The following RAB8B variants were observed in gnomAD, a reference collection of about 807,000 sequenced individuals.
RAB8B encodes ras-related protein Rab-8B.
In RAB8B, 11 loss-of-function variants were observed where a neutral mutation model predicts 32.0. The observed-to-expected ratio is 0.34, with a 90% CI of 0.22 to 0.57. The LOEUF is 0.57. Among genes scored for constraint, RAB8B ranks in the 20% least tolerant of loss-of-function variants. The probability of loss-of-function intolerance (pLI) is 0.86; values close to 1 mark genes in which losing one functional copy is unlikely to be tolerated. For missense variants in RAB8B, 190 were observed against 258.5 expected, an observed-to-expected ratio of 0.73 and a Z score of 1.82; for synonymous variants, 103 against 89.6, an observed-to-expected ratio of 1.15 and a Z score of -0.85.
chr15:63,201,351 A>T (rs1433573938), intron 1 of RAB8B, among the ~76,000 whole-genome samples: 1 of 152,174 alleles, frequency 6.6e-6, no homozygotes, highest in Non-Finnish European at 1.5e-5. Flanking sequence ...AGGAGGAGTT[A>T]GTTGGGTAGA....
chr15:63,222,465 A>T (rs1442950387), intron 1 of RAB8B, among the ~76,000 whole-genome samples: 1 of 152,242 alleles, frequency 6.6e-6, no homozygotes, highest in African/African-American at 2.4e-5. Context: ...TGCACCACAT[A>T]ACAACATTAT....
chr15:63,207,815 C>T (rs1301746027), intron 1 of RAB8B, among the ~76,000 whole-genome samples: 6 of 152,126 alleles, frequency 3.9e-5, no homozygotes, highest in Admixed American at 2.6e-4. Flanking sequence ...CTGCCCACCT[C>T]GGCCTTCCAA....
At chr15:63,223,117 T>A in intron 1 of RAB8B, 1 of 433,850 alleles carries the variant, frequency 2.3e-6, no homozygotes, top group Non-Finnish European at 4.5e-6. Flanking sequence ...TTACTTATTT[T>A]TTGTTATTTT....
At chr15:63,235,729 T>C (rs747951121) in intron 1 of RAB8B, among the ~76,000 whole-genome samples, 1 of 151,546 alleles carries the variant, frequency 6.6e-6, no homozygotes, top group Non-Finnish European at 1.5e-5. Context: ...ATTTTAAATA[T>C]TTTTTTCAGA....
Position 63,244,766 on chromosome 15 carries a change from T to C in RAB8B, c.135T>C (p.Phe45=). The stretch of plus-strand genomic sequence containing the variant: ...TTGTTTTTCTGGCAGGAATTGATTT[T>C]AAAATTAGAACGATAGAACTAGATG... The part of the protein sequence containing the change: ...TTFISTIGID[F]KIRTIELDGK... Residue 45 remains phenylalanine (F), a synonymous_variant, in exon 2 of 8, where the codon TTT becomes TTC. Coordinates refer to ENST00000321437, the MANE Select transcript of RAB8B (RefSeq NM_016530.3). 1 of 1,576,800 alleles carries C rather than the reference T, an allele frequency of 6.3e-7. No individual in the cohort carries two copies. The highest frequency in any genetic ancestry group is 8.7e-7 in the Non-Finnish European group (1 of 1,147,940).
At chr15:63,241,234 C>T (rs949388107) in intron 1 of RAB8B, among the ~76,000 whole-genome samples, 16 of 152,082 alleles carry the variant, frequency 1.1e-4, no homozygotes, top group African/African-American at 3.4e-4. Context: ...CCCAGCTAGT[C>T]GCGAGGCTGA....
rs2152586728 is a variant in RAB8B, at chr15:63,265,145, C to T, written c.*1526C>T. 1 of 152,598 alleles carries T rather than the reference C, an allele frequency of 6.6e-6. No individual in the cohort carries two copies. Among genetic ancestry groups the T allele is most frequent in the East Asian group, 1.9e-4 (1 of 5,194 alleles). 9.5% of individuals were successfully genotyped at this position (152,598 alleles called of 1,614,324 possible). The stretch of plus-strand genomic sequence containing the variant: ...TTCCTGGTATGCCTGTTTTGCTTCA[C>T]AAAGGCTACTATCATGCTGGATAGA... On this transcript the variant is annotated 3_prime_UTR_variant, in exon 8 of 8. Transcript: ENST00000321437. The surrounding 1 kb of genome is among the most constrained non-coding windows in gnomAD (Gnocchi z 4.9).
chr15:63,196,399 T>C (rs1339545049), intron 1 of RAB8B, among the ~76,000 whole-genome samples: 1 of 152,246 alleles, frequency 6.6e-6, no homozygotes, highest in Non-Finnish European at 1.5e-5. Flanking sequence ...ATTATGGAGA[T>C]AGCATGTTGA....
intron 2 of RAB8B, 54 bp from the exon 3 acceptor site, chr15:63,249,591 T>A: frequency 6.5e-7 from 1 of 1,533,778 alleles, no homozygotes; most frequent in Non-Finnish European, 9.0e-7. Context: ...GGGTTTCTCC[T>A]CAGTGATGCT....
intron 6 of RAB8B, 70 bp from the exon 7 acceptor site, chr15:63,262,622 T>TGTGTATATATATATATATAC (rs2038211775): frequency 9.2e-6 from 2 of 216,718 alleles, no homozygotes; most frequent in African/African-American, 8.9e-5. Context: ...AATATATATA[T>TGTGTATATATATATATATAC]GTGTATATAT....
intron 1 of RAB8B, among the ~76,000 whole-genome samples, chr15:63,190,532 G>A (rs943957423): frequency 1.3e-5 from 2 of 152,156 alleles, no homozygotes; most frequent in Non-Finnish European, 2.9e-5. Context: ...AAGTAGTGGG[G>A]CGCAAGACTT....
chr15:63,263,728 AC>A lies in RAB8B; in HGVS notation c.*111del. ...ACACCTCCCGGCTGCTGCTGAGAGCACCACTGAACTTAGACCTCTCAACACA... is the reference window on the plus strand; with the variant it reads ...ACACCTCCCGGCTGCTGCTGAGAGCACACTGAACTTAGACCTCTCAACACA... On this transcript the variant is annotated 3_prime_UTR_variant, in exon 8 of 8. Coordinates refer to ENST00000321437, the MANE Select transcript of RAB8B (RefSeq NM_016530.3). 1 of 841,722 alleles carries A rather than the reference AC, an allele frequency of 1.2e-6. No homozygotes were observed. The allele number at this position is 841,722 out of a possible 1,614,324, so 52.1% of individuals were successfully genotyped here.
intron 1 of RAB8B, among the ~76,000 whole-genome samples, chr15:63,195,752 T>G (rs1056408282): frequency 1.3e-5 from 2 of 152,172 alleles, no homozygotes; most frequent in Non-Finnish European, 2.9e-5. Context: ...CTTGAGAATA[T>G]TTTGCAGGAA....
At position 63,263,586 on chromosome 15, in the gene RAB8B, G is replaced by C; in HGVS notation, c.591G>C (p.Lys197Asn). The change falls in exon 8 of 8, where the codon AAG becomes AAC. Residue 197 changes from lysine (K) to asparagine (N), a missense_variant. This residue lies in a region of RAB8B where 110 missense variants were observed against 115.9 expected (regional missense o/e 0.95). Coordinates refer to ENST00000321437, the MANE Select transcript of RAB8B (RefSeq NM_016530.3). ...GPVKITENRS[K>N]KTSFFRCSLL ...TGAAAATAACAGAAAACCGATCAAAGAAGACCAGTTTCTTTCGTTGCTCGC... is the reference window on the plus strand; with the variant it reads ...TGAAAATAACAGAAAACCGATCAAACAAGACCAGTTTCTTTCGTTGCTCGC... 2 of 1,612,536 alleles carry C rather than the reference G, an allele frequency of 1.2e-6. No individual in the cohort carries two copies. Among genetic ancestry groups the C allele is most frequent in the Non-Finnish European group, 1.7e-6 (2 of 1,178,536 alleles).
At chr15:63,207,585 G>A (rs1232289658) in intron 1 of RAB8B, among the ~76,000 whole-genome samples, 2 of 151,288 alleles carry the variant, frequency 1.3e-5, no homozygotes, top group East Asian at 1.9e-4. Context: ...TTTGGAGAAG[G>A]AATCTTGCTC....
At chr15:63,254,898 C>T (rs553688068) in intron 3 of RAB8B, among the ~76,000 whole-genome samples, 64 of 151,782 alleles carry the variant, frequency 4.2e-4, no homozygotes, top group Admixed American at 3.8e-3. Flanking sequence ...GGTGACAGAG[C>T]GAGACTGTGT....
chr15:63,263,709 C>G lies in RAB8B; in HGVS notation c.*90C>G. On this transcript the variant is annotated 3_prime_UTR_variant, in exon 8 of 8. Coordinates refer to ENST00000321437, the MANE Select transcript of RAB8B (RefSeq NM_016530.3). ...GTCACCCAGCCTCAGAATCACACCT[C>G]CCGGCTGCTGCTGAGAGCACCACTG... 1 of 1,040,760 alleles carries G rather than the reference C, an allele frequency of 9.6e-7. No homozygotes were observed. The highest frequency in any genetic ancestry group is 1.5e-6 in the Non-Finnish European group (1 of 681,028). The allele number at this position is 1,040,760 out of a possible 1,614,324, so 64.5% of individuals were successfully genotyped here.
intron 1 of RAB8B, among the ~76,000 whole-genome samples, chr15:63,229,742 C>T (rs1382304888): frequency 5.4e-5 from 7 of 129,252 alleles, no homozygotes; most frequent in East Asian, 2.4e-4. Flanking sequence ...GATTGCACCA[C>T]GGCACTCCAG....
intron 2 of RAB8B, among the ~76,000 whole-genome samples, chr15:63,249,381 GATTTTTCTGTGT>G (rs1369856406): frequency 6.6e-6 from 1 of 152,068 alleles, no homozygotes; most frequent in Non-Finnish European, 1.5e-5. Flanking sequence ...TTCCTAGCAG[GATTTTTCTGTGT>G]ATTTTTCTGT....
Sources: allele counts gnomAD v4.1 joint callset (sites outside exome capture counted in the v4.1 genomes callset), GRCh38; gene constraint gnomAD v4.1.1; regional missense constraint gnomAD v4.1.1; non-coding constraint Gnocchi (gnomAD v3.1); transcripts MANE v1.5; gene names NCBI Gene and HGNC (gene_info 2026-07-23, HGNC 2026-07-21).